The following DEFB1 variants were observed in gnomAD, a reference collection of about 807,000 sequenced individuals.
DEFB1 encodes the protein defensin beta 1, also known as beta-defensin 1.
In DEFB1, 4 loss-of-function variants were observed where a neutral mutation model predicts 2.6. That is an observed-to-expected ratio of 1.53 (90% CI 0.76 to 3.51). The LOEUF is 3.51. DEFB1 is among the 30% of genes most tolerant of loss of function. The pLI, the probability that DEFB1 is intolerant of heterozygous loss-of-function variation, is 0.01. For synonymous variants in DEFB1, 56 were observed against 28.5 expected (o/e 1.96, Z -3.07); for missense variants, 162 against 76.9 (o/e 2.11, Z -4.14).
intron 1 of DEFB1, among the ~76,000 whole-genome samples, chr8:6,876,197 C>A (rs534420199): frequency 1.3e-5 from 2 of 152,220 alleles, no homozygotes; most frequent in East Asian, 3.9e-4. Context: ...AAAACATGGG[C>A]TGGGCGTGGT....
intron 1 of DEFB1, among the ~76,000 whole-genome samples, chr8:6,872,557 A>C (rs1012007899): frequency 2.6e-5 from 4 of 152,164 alleles, no homozygotes; most frequent in African/African-American, 9.7e-5. Context: ...AAGGGCCCGG[A>C]AACCAGGCAT....
chr8:6,876,094 CAT>C (rs1278615940), intron 1 of DEFB1, among the ~76,000 whole-genome samples: 1 of 152,182 alleles, frequency 6.6e-6, no homozygotes, highest in Non-Finnish European at 1.5e-5. Flanking sequence ...TCAGTAAAAA[CAT>C]ATGCACACAC....
At chr8:6,873,285 C>T (rs775663013) in intron 1 of DEFB1, among the ~76,000 whole-genome samples, 13 of 152,244 alleles carry the variant, frequency 8.5e-5, no homozygotes, top group Non-Finnish European at 1.6e-4. Context: ...TCTCATTCCA[C>T]TTCACCACAC....
At chr8:6,875,064 C>A (rs1806473731) in intron 1 of DEFB1, among the ~76,000 whole-genome samples, 1 of 135,722 alleles carries the variant, frequency 7.4e-6, no homozygotes, top group African/African-American at 2.8e-5. Flanking sequence ...CATACCGAAG[C>A]CACACACACA....
In DEFB1 at chr8:6,877,874, C is replaced by T. The variant is rs200117454; in HGVS notation, c.-17G>A. 5.0e-4 allele frequency: 808 copies of T among 1,613,640 alleles called. 7 individuals carry two copies. The African/African-American group carries it at 1.0e-2, about 20-fold the overall frequency. On this transcript the variant is annotated 5_prime_UTR_variant, in exon 1 of 2. Coordinates refer to ENST00000297439, the MANE Select transcript of DEFB1 (RefSeq NM_005218.4). ...AGTTCTCATGGCGACTGGCAGGCAA[C>T]ACCCAGGATTTCAGGAACTGGGGAG...
chr8:6,874,981 C>CAA (rs34773650), intron 1 of DEFB1, among the ~76,000 whole-genome samples: 2 of 138,914 alleles, frequency 1.4e-5, no homozygotes, highest in African/African-American at 5.4e-5. Context: ...GACTCAGTCT[C>CAA]AAAAAAAAAA....
chr8:6,871,924 C>G (rs1806335017), intron 1 of DEFB1, among the ~76,000 whole-genome samples: 1 of 152,176 alleles, frequency 6.6e-6, no homozygotes, highest in African/African-American at 2.4e-5. Context: ...CCTGAGCGGA[C>G]TAATACAAGA....
chr8:6,874,348 G>A (rs1806438930), intron 1 of DEFB1, among the ~76,000 whole-genome samples: 1 of 76,380 alleles, frequency 1.3e-5, no homozygotes, highest in African/African-American at 6.1e-5. Context: ...AGCATTTGAA[G>A]ATTACTTTTT....
intron 1 of DEFB1, among the ~76,000 whole-genome samples, chr8:6,874,397 G>A (rs1380259642): frequency 6.6e-6 from 1 of 152,132 alleles, no homozygotes; most frequent in African/African-American, 2.4e-5. Flanking sequence ...AAATACCATG[G>A]GAATCCCCAG....
rs1806592922 is a variant in DEFB1 at position 6,877,873 on chromosome 8, A to G, written c.-16T>C. The stretch of plus-strand genomic sequence containing the variant: ...AAGTTCTCATGGCGACTGGCAGGCA[A>G]CACCCAGGATTTCAGGAACTGGGGA... On this transcript the variant is annotated 5_prime_UTR_variant, in exon 1 of 2. Coordinates refer to ENST00000297439, the MANE Select transcript of DEFB1 (RefSeq NM_005218.4). 6.2e-7 allele frequency: 1 copy of G among 1,613,662 alleles called. No homozygotes were observed. Among genetic ancestry groups the G allele is most frequent in the Non-Finnish European group, 8.5e-7 (1 of 1,179,648 alleles).
chr8:6,871,379 G>A (rs528127120), intron 1 of DEFB1, among the ~76,000 whole-genome samples: 17 of 151,766 alleles, frequency 1.1e-4, no homozygotes, highest in Admixed American at 3.3e-4. Flanking sequence ...TTTTCTACTT[G>A]GACTTTATTT....
At chr8:6,875,969 A>G (rs1806511323) in intron 1 of DEFB1, among the ~76,000 whole-genome samples, 1 of 152,180 alleles carries the variant, frequency 6.6e-6, no homozygotes, top group African/African-American at 2.4e-5. Flanking sequence ...GCTTCTCATA[A>G]TTCAATTTAG....
intron 1 of DEFB1, among the ~76,000 whole-genome samples, chr8:6,871,879 CT>C (rs1806333434): frequency 6.6e-6 from 1 of 152,158 alleles, no homozygotes; most frequent in Admixed American, 6.5e-5. Context: ...ACTGCCTGGT[CT>C]GTTTATGGGC....
chr8:6,877,587 C>G (rs569668696), intron 1 of DEFB1, among the ~76,000 whole-genome samples: 1 of 152,340 alleles, frequency 6.6e-6, no homozygotes, highest in South Asian at 2.1e-4. Flanking sequence ...ATGACCCTGC[C>G]AGGCTCACTC....
intron 1 of DEFB1, among the ~76,000 whole-genome samples, chr8:6,877,084 G>C (rs140565558): frequency 3.3e-5 from 5 of 152,172 alleles, no homozygotes; most frequent in African/African-American, 4.8e-5. Context: ...TCATTCTGCA[G>C]ATGAATAAAC....
rs759177517 is a variant in DEFB1 at position 6,877,843 on chromosome 8, G to A, written c.15C>T (p.Tyr5=). The part of the protein sequence containing the change: MRTS[Y]LLLFTLCLLL... The stretch of plus-strand genomic sequence containing the variant: ...GTAAGCAGAGAGTAAACAGCAGAAG[G>A]TAGGAAGTTCTCATGGCGACTGGCA... The change falls in exon 1 of 2, where the codon TAC becomes TAT. Residue 5 remains tyrosine (Y), a synonymous_variant. Transcript: ENST00000297439. 13 of 1,613,926 alleles carry A rather than the reference G, an allele frequency of 8.1e-6. No homozygotes were observed. In the Admixed American group the frequency reaches 1.7e-4, roughly 21 times the overall value.
chr8:6,876,399 C>T (rs767838909), intron 1 of DEFB1, among the ~76,000 whole-genome samples: 7 of 152,130 alleles, frequency 4.6e-5, no homozygotes, highest in African/African-American at 1.7e-4. Context: ...ATTGCTTGAA[C>T]CCAGGAGGTG....
intron 1 of DEFB1, among the ~76,000 whole-genome samples, chr8:6,871,917 G>C (rs570092889): frequency 1.3e-5 from 2 of 152,276 alleles, no homozygotes; most frequent in Admixed American, 1.3e-4. Flanking sequence ...CTGGTAGCCT[G>C]AGCGGACTAA....
At chr8:6,873,021 A>G (rs1047171088) in intron 1 of DEFB1, among the ~76,000 whole-genome samples, 2 of 152,248 alleles carry the variant, frequency 1.3e-5, no homozygotes, top group Non-Finnish European at 2.9e-5. Context: ...GAAGGTTTAT[A>G]CATCTTTGTT....
Sources: gnomAD v4.1 joint callset for allele counts (sites outside exome capture counted in the v4.1 genomes callset) on GRCh38, gnomAD v4.1.1 for gene constraint, MANE v1.5 for transcripts, NCBI Gene and HGNC (gene_info 2026-07-23, HGNC 2026-07-21) for gene names.